TECRL: variants seen among roughly 807,000 people sequenced by gnomAD.
The protein encoded by TECRL is trans-2,3-enoyl-CoA reductase like, also known as trans-2,3-enoyl-CoA reductase-like.
In TECRL, 63 loss-of-function variants were observed where a neutral mutation model predicts 52.8. The observed-to-expected ratio is 1.19, with a 90% CI of 0.97 to 1.47. The LOEUF (loss-of-function observed/expected upper bound fraction) is 1.47, where lower values mean the gene tolerates loss of function less well. TECRL is among the 40% of genes most tolerant of loss of function. The pLI, the probability that TECRL is intolerant of heterozygous loss-of-function variation, is 0.00. For synonymous variants in TECRL, 164 were observed against 141.9 expected, an observed-to-expected ratio of 1.16 and a Z score of -1.10; for missense variants, 482 against 429.6, an observed-to-expected ratio of 1.12 and a Z score of -1.08.
chr4:64,390,276 A>G (rs1445060453), intron 1 of TECRL, among the ~76,000 whole-genome samples: 1 of 151,928 alleles, frequency 6.6e-6, no homozygotes, highest in Non-Finnish European at 1.5e-5. Context: ...GTTTAACCTC[A>G]CAAGGTTATA....
rs149607212 is a variant in TECRL, at chr4:64,316,864, T to G, written c.436-2101A>C. ...ATAGCTCCTCTTTCAAAAAGTTAAC[T>G]GTATTAAACTAATCTTCTGTTTTGA... On this transcript the variant is annotated intron_variant, in intron 4 of 11. Coordinates refer to ENST00000381210, the MANE Select transcript of TECRL (RefSeq NM_001010874.5). Among the ~76,000 whole-genome samples, 1,152 of 152,350 alleles carry G rather than the reference T, an allele frequency of 7.6e-3. 15 individuals carry two copies. The highest frequency in any genetic ancestry group is 0.026 in the African/African-American group (1,079 of 41,574).
In TECRL at chr4:64,321,147, A is replaced by G. The variant is rs1421135971; in HGVS notation, c.435+1542T>C. Reference sequence around the variant, plus strand: ...TCACACAGAAAATATTTTCTTAATGAAAACATAAAATAGAACTCATTAATT... The same window carrying G: ...TCACACAGAAAATATTTTCTTAATGGAAACATAAAATAGAACTCATTAATT... On this transcript the variant is annotated intron_variant, in intron 4 of 11. Coordinates refer to ENST00000381210, the MANE Select transcript of TECRL (RefSeq NM_001010874.5). 3.3e-5 allele frequency among the ~76,000 whole-genome samples: 5 copies of G among 152,094 alleles called. No homozygotes were observed. In the East Asian group the frequency reaches 9.6e-4, roughly 29 times the overall value.
intron 2 of TECRL, among the ~76,000 whole-genome samples, chr4:64,359,179 C>A (rs573037619): frequency 6.6e-6 from 1 of 151,944 alleles, no homozygotes; most frequent in South Asian, 2.1e-4. Flanking sequence ...ATCAGAAACA[C>A]CGGCTGTTGA....
At chr4:64,309,470 C>T (rs556112714) in intron 6 of TECRL, among the ~76,000 whole-genome samples, 6 of 152,194 alleles carry the variant, frequency 3.9e-5, no homozygotes, top group African/African-American at 1.4e-4. Flanking sequence ...ATAGTATCAC[C>T]ATTTTAATCC....
At chr4:64,329,698 T>C (rs542199594) in intron 2 of TECRL, among the ~76,000 whole-genome samples, 3 of 152,000 alleles carry the variant, frequency 2.0e-5, no homozygotes, top group South Asian at 4.1e-4. Flanking sequence ...TCCGTGACTT[T>C]CTATAGCCAA....
At chr4:64,358,606 A>G (rs1038733906) in intron 2 of TECRL, among the ~76,000 whole-genome samples, 6 of 151,680 alleles carry the variant, frequency 4.0e-5, no homozygotes, top group Non-Finnish European at 8.9e-5. Context: ...TGTAATTTGT[A>G]TTTTGGGAAA....
rs1006233594 is a variant in TECRL at position 64,299,965 on chromosome 4, G to A, written c.774+9C>T. The A allele has an allele frequency of 2.6e-6, 4 of 1,554,736 alleles. No individual in the cohort carries two copies. The African/African-American group carries it at 5.5e-5, about 21-fold the overall frequency. ...AGCGTGAATAGCAAAATATATATAT[G>A]ATACATACCAGAAAATTGATAGCAG... On this transcript the variant is annotated intron_variant, in intron 8 of 11. Coordinates refer to ENST00000381210, the MANE Select transcript of TECRL (RefSeq NM_001010874.5).
At chr4:64,281,215 AAAT>A (rs1319151648) in intron 10 of TECRL, 129 bp from the exon 11 acceptor site, 14 of 604,888 alleles carry the variant, frequency 2.3e-5, no homozygotes, top group South Asian at 9.7e-5. Flanking sequence ...CATTTTCAAG[AAAT>A]AATAATTTAA....
chr4:64,379,179 A>G (rs1312355137), intron 1 of TECRL, among the ~76,000 whole-genome samples: 1 of 152,000 alleles, frequency 6.6e-6, no homozygotes, highest in East Asian at 1.9e-4. Flanking sequence ...AATTATGTGT[A>G]AATTTTATTT....
At chr4:64,399,559 A>G (rs894233567) in intron 1 of TECRL, among the ~76,000 whole-genome samples, 6 of 152,152 alleles carry the variant, frequency 3.9e-5, no homozygotes, top group Admixed American at 3.9e-4. Flanking sequence ...AGAAGCCCTG[A>G]GGCCTGGGAG....
chr4:64,405,327 G>C (rs1724635256), intron 1 of TECRL, among the ~76,000 whole-genome samples: 1 of 152,094 alleles, frequency 6.6e-6, no homozygotes, highest in Non-Finnish European at 1.5e-5. Flanking sequence ...ACACAAGTAG[G>C]AGGAAGATTC....
At chr4:64,328,462 GA>G in intron 3 of TECRL, 49 bp downstream of exon 3, 1 of 1,502,430 alleles carries the variant, frequency 6.7e-7, no homozygotes, top group Non-Finnish European at 9.2e-7. Flanking sequence ...TTTGAAAATA[GA>G]AAAGGGATTA....
At chr4:64,340,881 G>T (rs1007411554) in intron 2 of TECRL, among the ~76,000 whole-genome samples, 1 of 152,156 alleles carries the variant, frequency 6.6e-6, no homozygotes, top group Admixed American at 6.5e-5. Flanking sequence ...GCCCATAAAG[G>T]CCCCAGGCTC....
chr4:64,322,723 G>A lies in TECRL; in HGVS notation c.401C>T (p.Ala134Val), dbSNP rs532303430. 2 of 1,612,218 alleles carry A rather than the reference G, an allele frequency of 1.2e-6. No individual in the cohort carries two copies. Among genetic ancestry groups the A allele is most frequent in the South Asian group, 2.2e-5 (2 of 90,852 alleles). The change falls in exon 4 of 12, where the codon GCT becomes GTT. Residue 134 changes from alanine (A) to valine (V), a missense_variant. Coordinates refer to ENST00000381210, the MANE Select transcript of TECRL (RefSeq NM_001010874.5). ...IAASSIVTLY[A>V]TDLGQQVSWT... ...ACTGACTTGTTGACCTAGGTCTGTA[G>A]CATACAGTGTGACAATGGAGGAAGC...
intron 2 of TECRL, among the ~76,000 whole-genome samples, chr4:64,359,950 TTAAG>T (rs1721055319): frequency 6.6e-6 from 1 of 152,112 alleles, no homozygotes; most frequent in African/African-American, 2.4e-5. Context: ...AAATACAGGC[TTAAG>T]TAAGAAATTT....
At chr4:64,290,852 TAC>T (rs1723342023) in intron 8 of TECRL, among the ~76,000 whole-genome samples, 1 of 152,180 alleles carries the variant, frequency 6.6e-6, no homozygotes, top group East Asian at 1.9e-4. Context: ...TGTAAACAAA[TAC>T]ACCAAATATA....
intron 9 of TECRL, among the ~76,000 whole-genome samples, chr4:64,287,056 C>T (rs1341644397): frequency 2.6e-5 from 4 of 152,040 alleles, no homozygotes; most frequent in African/African-American, 9.7e-5. Flanking sequence ...GAATTTGGAT[C>T]AGATAAAAAT....
At position 64,284,405 on chromosome 4, in the gene TECRL, G is replaced by A. The variant is rs771521954; in HGVS notation, c.833-2846C>T. ...TTTTACCCTCGTTTCGTGTTCTCAG[G>A]TTTCTTCTCATGTTCCATGGGAGAA... On this transcript the variant is annotated intron_variant, in intron 9 of 11. Coordinates refer to ENST00000381210, the MANE Select transcript of TECRL (RefSeq NM_001010874.5). Among the ~76,000 whole-genome samples, 6 of 151,946 alleles carry A rather than the reference G, an allele frequency of 3.9e-5. No homozygotes were observed. The East Asian group carries it at 5.8e-4, about 15-fold the overall frequency.
At chr4:64,354,826 GAGAATGAGACAATT>G (rs935321196) in intron 2 of TECRL, among the ~76,000 whole-genome samples, 15 of 152,216 alleles carry the variant, frequency 9.9e-5, no homozygotes, top group African/African-American at 3.6e-4. Flanking sequence ...CCTGGAGCCA[GAGAATGAGACAATT>G]AGAATGATAG....
Sources: allele counts gnomAD v4.1 joint callset (sites outside exome capture counted in the v4.1 genomes callset), GRCh38; gene constraint gnomAD v4.1.1; transcripts MANE v1.5; gene names NCBI Gene and HGNC (gene_info 2026-07-23, HGNC 2026-07-21).